GSE1: variants seen among roughly 807,000 people sequenced by gnomAD.
GSE1 encodes the protein genetic suppressor element 1.
Under a neutral mutation model 112.6 loss-of-function variants are expected in GSE1, and 32 were observed. That is an observed-to-expected ratio of 0.28 (90% confidence interval 0.21 to 0.38). GSE1 has a LOEUF of 0.38. Ranked by LOEUF, GSE1 falls within the 10% of genes least tolerant of loss-of-function variation. The pLI, the probability that GSE1 is intolerant of heterozygous loss-of-function variation, is 1.00. For missense variants in GSE1, 2,348 were observed against 1,699.2 expected (o/e 1.38, Z -6.71); for synonymous variants, 1,115 against 735.6 (o/e 1.52, Z -8.35).
chr16:85,402,421 G>A (rs147947403), intron 2 of GSE1, among the ~76,000 whole-genome samples: 1 of 152,342 alleles, frequency 6.6e-6, no homozygotes, highest in African/African-American at 2.4e-5. Context: ...GAACGGGGCT[G>A]AGCGAATAGG....
intron 2 of GSE1, chr16:85,489,824 C>T (rs2050955661): frequency 6.6e-6 from 1 of 152,222 alleles, no homozygotes; most frequent in Non-Finnish European, 1.5e-5. Flanking sequence ...CTAGGGTGGG[C>T]CCTAAATCCA....
chr16:85,584,813 G>A (rs1040966311), intron 1 of GSE1, among the ~76,000 whole-genome samples: 1 of 152,204 alleles, frequency 6.6e-6, no homozygotes, highest in Non-Finnish European at 1.5e-5. Flanking sequence ...GCACGGCTGA[G>A]CAGGGTGTGG....
intron 1 of GSE1, among the ~76,000 whole-genome samples, chr16:85,271,362 C>T (rs1428740688): frequency 6.6e-6 from 1 of 152,176 alleles, no homozygotes; most frequent in Non-Finnish European, 1.5e-5. Flanking sequence ...ATGAATGGCT[C>T]ATCTTCCTCT....
intron 2 of GSE1, among the ~76,000 whole-genome samples, chr16:85,370,689 G>A (rs989959944): frequency 1.6e-4 from 24 of 151,032 alleles, no homozygotes; most frequent in African/African-American, 5.8e-4. Flanking sequence ...TGCCTGGAGC[G>A]AGTTCTAGGC....
chr16:85,169,657 C>T (rs1425840276), exon 1 of GSE1: 2 of 983,352 alleles, frequency 2.0e-6, no homozygotes, highest in Non-Finnish European at 2.4e-6. Context: ...GGAGCTGAAG[C>T]TGCAGGTGAA....
chr16:85,188,829 A>G (rs931218080), intron 1 of GSE1, among the ~76,000 whole-genome samples: 2 of 151,828 alleles, frequency 1.3e-5, no homozygotes, highest in South Asian at 4.2e-4. Flanking sequence ...AACAAAACAA[A>G]AAAACACAGG....
chr16:85,650,165 C>T (rs1288434604), intron 3 of GSE1, among the ~76,000 whole-genome samples: 4 of 152,166 alleles, frequency 2.6e-5, no homozygotes, highest in Non-Finnish European at 5.9e-5. Flanking sequence ...GAGGGTGGAC[C>T]CTGGCCACAG....
intron 1 of GSE1, among the ~76,000 whole-genome samples, chr16:85,176,759 C>G (rs1020190155): frequency 6.6e-6 from 1 of 152,262 alleles, no homozygotes; most frequent in African/African-American, 2.4e-5. Context: ...GCTGCCGCAA[C>G]CACCTTTCTT....
At chr16:85,313,083 C>T (rs1207409057) in intron 1 of GSE1, among the ~76,000 whole-genome samples, 1 of 152,198 alleles carries the variant, frequency 6.6e-6, no homozygotes, top group East Asian at 1.9e-4. Context: ...CCAGTGCACA[C>T]TCAGCCCTGG....
chr16:85,462,742 G>C (rs1356785477), intron 2 of GSE1, among the ~76,000 whole-genome samples: 1 of 142,716 alleles, frequency 7.0e-6, no homozygotes, highest in Non-Finnish European at 1.6e-5. Context: ...CCGGCCGGGC[G>C]GGGGACGAGG....
intron 2 of GSE1, among the ~76,000 whole-genome samples, chr16:85,402,594 C>T (rs113976051): frequency 0.019 from 2,947 of 152,242 alleles, 90 homozygotes; most frequent in African/African-American, 0.067. Flanking sequence ...GGGAGCGCGG[C>T]GCTGGGCCTG....
At position 85,618,556 on chromosome 16, in the gene GSE1, A is replaced by G. The variant is rs376951881; in HGVS notation, c.7+5158A>G. 8.5e-5 allele frequency among the ~76,000 whole-genome samples: 13 copies of G among 152,338 alleles called. 3 individuals carry two copies. The highest frequency in any genetic ancestry group is 2.0e-4 in the Admixed American group (3 of 15,306). On this transcript the variant is annotated intron_variant, in intron 1 of 15. Coordinates refer to ENST00000253458, the MANE Select transcript of GSE1 (RefSeq NM_014615.5). ...TCTAATCTGTGGAATAGGAATGACA[A>G]TGTCACCTGTATCCTGAGGCTGTTG...
chr16:85,417,995 T>C (rs376170397), intron 2 of GSE1, among the ~76,000 whole-genome samples: 6 of 152,316 alleles, frequency 3.9e-5, no homozygotes, highest in East Asian at 3.9e-4. Flanking sequence ...TCTGCCACCA[T>C]GCCCAGCTAA....
At chr16:85,400,020 C>T (rs934645229) in intron 2 of GSE1, among the ~76,000 whole-genome samples, 47 of 152,336 alleles carry the variant, frequency 3.1e-4, no homozygotes, top group African/African-American at 1.1e-3. Context: ...CCTGAGCAGG[C>T]CCAGCGCAAA....
chr16:85,286,303 T>A (rs1384220576), intron 1 of GSE1, among the ~76,000 whole-genome samples: 2 of 152,244 alleles, frequency 1.3e-5, no homozygotes, highest in Non-Finnish European at 2.9e-5. Context: ...GCCAAGTGAC[T>A]CATTCCAGAT....
intron 1 of GSE1, among the ~76,000 whole-genome samples, chr16:85,324,842 T>C (rs79383243): frequency 0.041 from 6,206 of 152,178 alleles, 157 homozygotes; most frequent in Middle Eastern, 0.051. Context: ...GTATGGAGTT[T>C]TGTTTTGGGT....
At chr16:85,457,653 C>T (rs565579025) in intron 2 of GSE1, among the ~76,000 whole-genome samples, 5 of 152,298 alleles carry the variant, frequency 3.3e-5, no homozygotes, top group Non-Finnish European at 5.9e-5. Flanking sequence ...AGCTGCCAGC[C>T]AGGTCCTCAT....
chr16:85,209,048 C>T (rs2075175318), intron 1 of GSE1, among the ~76,000 whole-genome samples: 1 of 147,612 alleles, frequency 6.8e-6, no homozygotes, highest in African/African-American at 2.5e-5. Flanking sequence ...GGGTTTGCCA[C>T]TTGTTGGGGT....
intron 2 of GSE1, among the ~76,000 whole-genome samples, chr16:85,432,380 G>T (rs138054467): frequency 6.6e-6 from 1 of 152,214 alleles, no homozygotes; most frequent in African/African-American, 2.4e-5. Flanking sequence ...TCTCAGTAGC[G>T]TTCACTTCAC....
Sources: allele counts gnomAD v4.1 joint callset (sites outside exome capture counted in the v4.1 genomes callset), GRCh38; gene constraint gnomAD v4.1.1; transcripts MANE v1.5; gene names NCBI Gene and HGNC (gene_info 2026-07-23, HGNC 2026-07-21).